The following RUSC2 variants were observed in gnomAD, a reference collection of about 807,000 sequenced individuals.
The protein encoded by RUSC2 is RUN and SH3 domain containing 2.
RUSC2 carries 34 observed loss-of-function variants against 122.2 expected under a neutral mutation model. The ratio of observed to expected loss-of-function variants is 0.28; its 90% CI spans 0.21 to 0.37. The LOEUF (loss-of-function observed/expected upper bound fraction) is 0.37. Among genes scored for constraint, RUSC2 ranks in the 10% least tolerant of loss-of-function variants. The pLI is 1.00. For synonymous variants in RUSC2, 784 were observed against 790.0 expected (o/e 0.99, Z 0.13); for missense variants, 1,747 against 1,952.4 (o/e 0.89, Z 1.98).
At chr9:35,537,882 G>A (rs1821561306) in intron 1 of RUSC2, among the ~76,000 whole-genome samples, 1 of 152,208 alleles carries the variant, frequency 6.6e-6, no homozygotes, top group South Asian at 2.1e-4. Context: ...GCACAAAGTG[G>A]ACGGAGACCT....
intron 1 of RUSC2, among the ~76,000 whole-genome samples, chr9:35,494,772 C>A (rs1417261270): frequency 6.6e-6 from 1 of 150,870 alleles, no homozygotes; most frequent in Non-Finnish European, 1.5e-5. Flanking sequence ...TCCTTTGATG[C>A]ACGAAAGTTT....
chr9:35,528,587 G>T (rs1470833442), intron 1 of RUSC2, among the ~76,000 whole-genome samples: 2 of 151,336 alleles, frequency 1.3e-5, no homozygotes, highest in African/African-American at 4.9e-5. Context: ...GCTCACTGGA[G>T]CCCAAAAGTC....
At chr9:35,506,035 A>T (rs1431460077) in intron 1 of RUSC2, among the ~76,000 whole-genome samples, 1 of 152,230 alleles carries the variant, frequency 6.6e-6, no homozygotes, top group Non-Finnish European at 1.5e-5. Context: ...TTGGAAAGGA[A>T]GAAATATAAC....
rs1293167134 is a variant in RUSC2 at position 35,560,159 on chromosome 9, G to C, written c.3519G>C (p.Leu1173=). Residue 1173 remains leucine (L), a synonymous_variant, in exon 10 of 12, where the codon CTG becomes CTC. Transcript: ENST00000361226. ...TGCTGCCCTTCAGCCTCGACTTGCT[G>C]TTCCAGCACCGGCTGCTGCAAAGTG... ...LALLPFSLDL[L]FQHRLLQSGQ... 6.2e-7 allele frequency: 1 copy of C among 1,608,606 alleles called. No individual in the cohort carries two copies. Among genetic ancestry groups the C allele is most frequent in the South Asian group, 1.1e-5 (1 of 91,092 alleles).
rs143035451 is a variant in RUSC2, at chr9:35,492,532, A to T, written c.-93+2360A>T. Among the ~76,000 whole-genome samples the T allele has an allele frequency of 3.8e-3, 576 of 152,130 alleles. 1 individual carries two copies. The highest frequency in any genetic ancestry group is 6.6e-3 in the Non-Finnish European group (449 of 67,994). ...ATAATTTTTGTCAAATGAGTCCGTC[A>T]TACGAAACGAGAGCATCATTTTGAG... On this transcript the variant is annotated intron_variant, in intron 1 of 11. Coordinates refer to ENST00000361226, the MANE Select transcript of RUSC2 (RefSeq NM_014806.5).
In RUSC2 at chr9:35,560,402, C is replaced by T. The variant is rs968572743; in HGVS notation, c.3762C>T (p.Ala1254=). 4.0e-5 allele frequency: 64 copies of T among 1,613,926 alleles called. No individual in the cohort carries two copies. Among genetic ancestry groups the T allele is most frequent in the Non-Finnish European group, 5.2e-5 (61 of 1,179,992 alleles). Residue 1254 remains alanine (A), a synonymous_variant, in exon 10 of 12, where the codon GCC becomes GCT. Coordinates refer to ENST00000361226, the MANE Select transcript of RUSC2 (RefSeq NM_014806.5). ...AGACAGAAGAGGTGGCAGAGGCAGCCGGGGGCTCAGGGCGTGCCAGGTGGG... is the reference window on the plus strand; with the variant it reads ...AGACAGAAGAGGTGGCAGAGGCAGCTGGGGGCTCAGGGCGTGCCAGGTGGG... ...EEETEEVAEA[A]GGSGRARWAR...
At chr9:35,522,712 G>A (rs1277669039) in intron 1 of RUSC2, among the ~76,000 whole-genome samples, 1 of 152,176 alleles carries the variant, frequency 6.6e-6, no homozygotes, top group Non-Finnish European at 1.5e-5. Context: ...CTAGATCAGA[G>A]AATAGAGTAC....
chr9:35,534,419 T>TACACACACACACACAC (rs55836338), intron 1 of RUSC2, among the ~76,000 whole-genome samples: 24 of 141,016 alleles, frequency 1.7e-4, no homozygotes, highest in African/African-American at 6.1e-4. Flanking sequence ...CTACAAATAA[T>TACACACACACACACAC]ACACACACAC....
chr9:35,501,505 A>G (rs1820816433), intron 1 of RUSC2, among the ~76,000 whole-genome samples: 1 of 152,190 alleles, frequency 6.6e-6, no homozygotes. Context: ...TGAGCCTGGG[A>G]GGCAGAGGTT....
intron 1 of RUSC2, among the ~76,000 whole-genome samples, chr9:35,524,519 G>A (rs1175794537): frequency 6.6e-6 from 1 of 152,158 alleles, no homozygotes; most frequent in Non-Finnish European, 1.5e-5. Context: ...CTATCTTAAC[G>A]AAGGACTAGT....
chr9:35,513,903 C>CATATATATAT (rs3068511), intron 1 of RUSC2, among the ~76,000 whole-genome samples: 1,273 of 103,972 alleles, frequency 0.012, 8 homozygotes, highest in Admixed American at 0.018. Context: ...CTTCAACAAA[C>CATATATATAT]ATATATATAT....
rs146271483 is a variant in RUSC2 at position 35,546,640 on chromosome 9, C to A, written c.119C>A (p.Thr40Lys). ...GGGGCAGGTGGAGGTGGTGGGAGCACAAGACCTAATCCCTTCTGCCCACCT... is the reference window on the plus strand; with the variant it reads ...GGGGCAGGTGGAGGTGGTGGGAGCAAAAGACCTAATCCCTTCTGCCCACCT... ...CGGAGGGGGS[T>K]RPNPFCPPEL... The change falls in exon 2 of 12, where the codon ACA (threonine) becomes AAA (lysine). Residue 40 changes from threonine (T) to lysine (K), a missense_variant. Physicochemically the swap from Thr to Lys is moderately conservative, Grantham distance 78. Transcript: ENST00000361226. This position sits in a 1 kb window ranked among gnomAD's most constrained non-coding sequence, Gnocchi z 4.3. The A allele has an allele frequency of 1.1e-3, 1,784 of 1,569,812 alleles. 2 individuals carry two copies. The highest frequency in any genetic ancestry group is 1.4e-3 in the Non-Finnish European group (1,680 of 1,158,838).
Position 35,490,689 on chromosome 9 carries a change from C to T in RUSC2, c.-93+517C>T, listed in dbSNP as rs1564237411. 4.6e-5 allele frequency among the ~76,000 whole-genome samples: 7 copies of T among 152,294 alleles called. No individual in the cohort carries two copies. The South Asian group carries it at 1.5e-3, about 32-fold the overall frequency. On this transcript the variant is annotated intron_variant, in intron 1 of 11. Coordinates refer to ENST00000361226, the MANE Select transcript of RUSC2 (RefSeq NM_014806.5). ...TTAGCCCCTGCCTCCCTTTATTATC[C>T]GCCCGGCGCCGGCGTTGCTTCAGTC...
At chr9:35,524,010 G>A (rs1322271392) in intron 1 of RUSC2, among the ~76,000 whole-genome samples, 1 of 151,924 alleles carries the variant, frequency 6.6e-6, no homozygotes, top group African/African-American at 2.4e-5. Flanking sequence ...ACTAATCAAT[G>A]TAGAAGGAAT....
chr9:35,510,260 C>T (rs374660772), intron 1 of RUSC2, among the ~76,000 whole-genome samples: 54 of 152,268 alleles, frequency 3.5e-4, no homozygotes, highest in African/African-American at 1.2e-3. Context: ...ACCTGTAATT[C>T]CAGAACTTTG....
rs945057129 is a variant in RUSC2, at chr9:35,561,766, C to A, written c.*384C>A. 4.0e-5 allele frequency: 22 copies of A among 554,408 alleles called. No individual in the cohort carries two copies. The African/African-American group carries it at 4.1e-4, about 10-fold the overall frequency. The allele number at this position is 554,408 out of a possible 1,614,324, so 34.3% of individuals were successfully genotyped here. On this transcript the variant is annotated 3_prime_UTR_variant, in exon 12 of 12. Transcript: ENST00000361226. ...CAGTATTGGGGCCAGATCCCTAAGC[C>A]CCCCAGCTGTAAATAGGCTGTGGCC...
intron 1 of RUSC2, among the ~76,000 whole-genome samples, chr9:35,518,757 T>C (rs1420009797): frequency 1.3e-5 from 2 of 152,232 alleles, no homozygotes; most frequent in African/African-American, 4.8e-5. Flanking sequence ...AGGACTGGCC[T>C]AACCCATCCT....
rs755117257 is a variant in RUSC2 at position 35,558,403 on chromosome 9, G to A, written c.3235+32G>A. Reference sequence around the variant, plus strand: ...GCTGGGTGCCAAGACGGGGACCCAGGGCTGAATTTAGGGCTCCAGAAATTG... The same window carrying A: ...GCTGGGTGCCAAGACGGGGACCCAGAGCTGAATTTAGGGCTCCAGAAATTG... On this transcript the variant is annotated intron_variant, in intron 7 of 11. Coordinates refer to ENST00000361226, the MANE Select transcript of RUSC2 (RefSeq NM_014806.5). The surrounding 1 kb of genome is among the most constrained non-coding windows in gnomAD (Gnocchi z 4.3). 87 of 1,613,756 alleles carry A rather than the reference G, an allele frequency of 5.4e-5. No individual in the cohort carries two copies. Among genetic ancestry groups the A allele is most frequent in the Non-Finnish European group, 5.8e-5 (69 of 1,179,814 alleles).
chr9:35,561,446 CTTCCCAAGCCATTGG>C lies in RUSC2; in HGVS notation c.*65_*79del. 7.2e-7 allele frequency: 1 copy of C among 1,394,678 alleles called. No homozygotes were observed. Among genetic ancestry groups the C allele is most frequent in the Non-Finnish European group, 9.8e-7 (1 of 1,019,138 alleles). 86.4% of individuals were successfully genotyped at this position (1,394,678 alleles called of 1,614,324 possible). On this transcript the variant is annotated 3_prime_UTR_variant, in exon 12 of 12. Coordinates refer to ENST00000361226, the MANE Select transcript of RUSC2 (RefSeq NM_014806.5). ...CCCCCAGACTCAGAGCCCGAGAGCC[CTTCCCAAGCCATTGG>C]CTTGGCTGCAGAGTAGACTGAGAGC...
Sources: allele counts gnomAD v4.1 joint callset (sites outside exome capture counted in the v4.1 genomes callset), GRCh38; gene constraint gnomAD v4.1.1; non-coding constraint Gnocchi (gnomAD v3.1); transcripts MANE v1.5; gene names NCBI Gene and HGNC (gene_info 2026-07-23, HGNC 2026-07-21).